The following PPP1R12A variants were observed in gnomAD, a reference collection of about 807,000 sequenced individuals.
PPP1R12A encodes protein phosphatase 1 regulatory subunit 12A.
A neutral mutation model predicts 139.6 loss-of-function variants in PPP1R12A; 19 were observed. The observed-to-expected ratio is 0.14, with a 90% CI of 0.09 to 0.20. The LOEUF is 0.20. PPP1R12A is among the 10% of genes least tolerant of loss of function. The pLI, the probability that PPP1R12A is intolerant of heterozygous loss-of-function variation, is 1.00. For missense variants in PPP1R12A, 925 were observed against 1,211.5 expected (o/e 0.76, Z 3.51); for synonymous variants, 427 against 420.6 (o/e 1.02, Z -0.19).
At chr12:79,794,905 C>G (rs1872331382) in intron 18 of PPP1R12A, among the ~76,000 whole-genome samples, 1 of 151,894 alleles carries the variant, frequency 6.6e-6, no homozygotes, top group Non-Finnish European at 1.5e-5. Context: ...CAAAAACAGG[C>G]ATAGTTAACT....
chr12:79,788,562 A>G (rs1456375471), intron 21 of PPP1R12A, 86 bp downstream of exon 21: 1 of 1,252,480 alleles, frequency 8.0e-7, no homozygotes, highest in Non-Finnish European at 1.1e-6. Flanking sequence ...TACTCATTTC[A>G]TTATGAGTTT....
intron 4 of PPP1R12A, 52 bp from the exon 5 acceptor site, chr12:79,828,516 TCA>T: frequency 1.4e-6 from 2 of 1,389,014 alleles, no homozygotes; most frequent in Non-Finnish European, 2.0e-6. Flanking sequence ...AAATAAATGA[TCA>T]TGATCAAAAG....
intron 17 of PPP1R12A, 105 bp downstream of exon 17, chr12:79,796,677 C>T: frequency 1.1e-6 from 1 of 913,942 alleles, no homozygotes; most frequent in Middle Eastern, 2.5e-4. Flanking sequence ...CGATGAATCA[C>T]AAGTTAGGAT....
intron 9 of PPP1R12A, among the ~76,000 whole-genome samples, chr12:79,811,754 C>T (rs374652263): frequency 6.6e-6 from 1 of 151,820 alleles, no homozygotes; most frequent in East Asian, 1.9e-4. Context: ...TTTTTTTCTC[C>T]AACCAGTTTG....
At chr12:79,934,672 A>G (rs1888538276) in intron 1 of PPP1R12A, 23 bp downstream of exon 1, 6 of 1,503,734 alleles carry the variant, frequency 4.0e-6, no homozygotes, top group East Asian at 2.6e-5. Flanking sequence ...CGGTCAGGAG[A>G]GCCGGCGGCG....
At chr12:79,925,840 T>C (rs1887798586) in intron 1 of PPP1R12A, among the ~76,000 whole-genome samples, 2 of 152,152 alleles carry the variant, frequency 1.3e-5, no homozygotes, top group South Asian at 4.1e-4. Flanking sequence ...AAAATGTTAT[T>C]TGGAAAAAAA....
chr12:79,854,983 T>TATG (rs1033327491), intron 2 of PPP1R12A, among the ~76,000 whole-genome samples: 3 of 151,270 alleles, frequency 2.0e-5, no homozygotes, highest in African/African-American at 4.9e-5. Flanking sequence ...AAGTAACAAT[T>TATG]ATTATTATTA....
At position 79,893,490 on chromosome 12, in the gene PPP1R12A, C is replaced by T. The variant is rs567997945; in HGVS notation, c.238-20552G>A. Among the ~76,000 whole-genome samples, 3 of 152,224 alleles carry T rather than the reference C, an allele frequency of 2.0e-5. 1 individual carries two copies. The highest frequency in any genetic ancestry group is 7.2e-5 in the African/African-American group (3 of 41,560). On this transcript the variant is annotated intron_variant, in intron 1 of 24. Coordinates refer to ENST00000450142, the MANE Select transcript of PPP1R12A (RefSeq NM_002480.3). Reference sequence around the variant, plus strand: ...CCCATCTTAGTTGTTACTATATGTACAGTATCTAGAACACATTAGACAGTA... The same window carrying T: ...CCCATCTTAGTTGTTACTATATGTATAGTATCTAGAACACATTAGACAGTA...
chr12:79,789,478 A>C, intron 20 of PPP1R12A: 1 of 295,078 alleles, frequency 3.4e-6, no homozygotes, highest in South Asian at 3.0e-5. Flanking sequence ...GTAATGTCTT[A>C]GATTTGATGA....
At chr12:79,805,106 T>C (rs1366496739) in intron 14 of PPP1R12A, among the ~76,000 whole-genome samples, 2 of 152,194 alleles carry the variant, frequency 1.3e-5, no homozygotes, top group South Asian at 2.1e-4. Flanking sequence ...TCAAAATTAT[T>C]TGGCTTACAC....
chr12:79,907,159 A>G (rs993634561), intron 1 of PPP1R12A, among the ~76,000 whole-genome samples: 1 of 152,170 alleles, frequency 6.6e-6, no homozygotes, highest in Non-Finnish European at 1.5e-5. Flanking sequence ...ATCTACAAGA[A>G]AGACCCTGTG....
chr12:79,786,323 G>T, intron 22 of PPP1R12A, 51 bp downstream of exon 22: 3 of 1,151,292 alleles, frequency 2.6e-6, no homozygotes, highest in Non-Finnish European at 3.7e-6. Context: ...TTTTAGATGG[G>T]ATAAATCACA....
In PPP1R12A at chr12:79,800,733, C is replaced by CT. The variant is rs34522404; in HGVS notation, c.2001-2150dup. Among the ~76,000 whole-genome samples, 931 of 137,086 alleles carry CT rather than the reference C, an allele frequency of 6.8e-3. 3 individuals are homozygous for CT. The highest frequency in any genetic ancestry group is 0.027 in the East Asian group (123 of 4,568). 89.9% of individuals were successfully genotyped at this position (137,086 alleles called of 152,430 possible). On this transcript the variant is annotated intron_variant, in intron 14 of 24. Coordinates refer to ENST00000450142, the MANE Select transcript of PPP1R12A (RefSeq NM_002480.3). Reference sequence around the variant, plus strand: ...GTGAGTTTTCTTTATTCAAATGCTACTTTTTTTTTTTTTTTTTTGAAACGG... The same window carrying CT: ...GTGAGTTTTCTTTATTCAAATGCTACTTTTTTTTTTTTTTTTTTTGAAACGG...
intron 1 of PPP1R12A, among the ~76,000 whole-genome samples, chr12:79,917,730 T>C (rs1887116376): frequency 6.6e-6 from 1 of 152,106 alleles, no homozygotes; most frequent in Admixed American, 6.6e-5. Context: ...CTATTAGACA[T>C]AAAAAGTGTA....
intron 1 of PPP1R12A, among the ~76,000 whole-genome samples, chr12:79,913,157 T>G (rs892104555): frequency 6.6e-6 from 1 of 152,266 alleles, no homozygotes; most frequent in African/African-American, 2.4e-5. Flanking sequence ...TCTTTTGTGA[T>G]GCATCTGTGT....
At chr12:79,917,685 G>C (rs1887112624) in intron 1 of PPP1R12A, among the ~76,000 whole-genome samples, 1 of 151,900 alleles carries the variant, frequency 6.6e-6, no homozygotes, top group Non-Finnish European at 1.5e-5. Context: ...AGCAAGTCCT[G>C]TAATATTTTG....
chr12:79,806,843 C>A, intron 12 of PPP1R12A: 1 of 164,374 alleles, frequency 6.1e-6, no homozygotes, highest in Non-Finnish European at 1.3e-5. Flanking sequence ...ACCAACATTC[C>A]AACTGAAGGC....
At chr12:79,902,306 ACATTT>A (rs1465044157) in intron 1 of PPP1R12A, among the ~76,000 whole-genome samples, 17 of 152,162 alleles carry the variant, frequency 1.1e-4, no homozygotes, top group Non-Finnish European at 2.1e-4. Flanking sequence ...TGAAAATATG[ACATTT>A]CTTCTTAAGC....
intron 1 of PPP1R12A, among the ~76,000 whole-genome samples, chr12:79,893,719 A>G (rs1355712583): frequency 1.3e-5 from 2 of 152,208 alleles, no homozygotes; most frequent in African/African-American, 4.8e-5. Flanking sequence ...GGCAAATAAC[A>G]CTTTCCTTTT....
Sources: allele counts gnomAD v4.1 joint callset (sites outside exome capture counted in the v4.1 genomes callset), GRCh38; gene constraint gnomAD v4.1.1; transcripts MANE v1.5; gene names NCBI Gene and HGNC (gene_info 2026-07-23, HGNC 2026-07-21).